The following ABCG2 variants were observed in gnomAD, a reference collection of about 807,000 sequenced individuals.
ABCG2 encodes the protein ATP binding cassette subfamily G member 2 (JR blood group).
A neutral mutation model predicts 73.5 loss-of-function variants in ABCG2; 80 were observed. That is an observed-to-expected ratio of 1.09 (90% CI 0.91 to 1.31). ABCG2 has a LOEUF of 1.31. Ranked by LOEUF, ABCG2 falls within the 50% of genes most tolerant of loss-of-function variation. ABCG2 has a pLI of 0.00. For missense variants in ABCG2, 796 were observed against 786.2 expected (o/e 1.01, Z -0.15); for synonymous variants, 269 against 282.4 (o/e 0.95, Z 0.48).
intron 1 of ABCG2, among the ~76,000 whole-genome samples, chr4:88,197,602 G>A (rs1728985620): frequency 6.6e-6 from 1 of 151,996 alleles, no homozygotes; most frequent in South Asian, 2.1e-4. Context: ...GAGCAACAAA[G>A]TAAGACCCTG....
At chr4:88,142,329 A>G (rs891513512) in intron 1 of ABCG2, among the ~76,000 whole-genome samples, 1 of 152,156 alleles carries the variant, frequency 6.6e-6, no homozygotes, top group Non-Finnish European at 1.5e-5. Context: ...AAGAGGATGA[A>G]TACAAAAAAA....
At chr4:88,174,784 T>C (rs1411324765) in intron 1 of ABCG2, among the ~76,000 whole-genome samples, 1 of 152,262 alleles carries the variant, frequency 6.6e-6, no homozygotes, top group Non-Finnish European at 1.5e-5. Flanking sequence ...TTTGGTGTTT[T>C]TGTCATGAAG....
At chr4:88,111,795 A>G (rs1335920810) in intron 9 of ABCG2, among the ~76,000 whole-genome samples, 1 of 152,160 alleles carries the variant, frequency 6.6e-6, no homozygotes, top group African/African-American at 2.4e-5. Flanking sequence ...AGAGGGGTTA[A>G]GAATAACAGA....
intron 1 of ABCG2, among the ~76,000 whole-genome samples, chr4:88,157,250 A>C (rs1252525480): frequency 6.6e-6 from 1 of 152,220 alleles, no homozygotes; most frequent in Non-Finnish European, 1.5e-5. Context: ...TCTACAAATT[A>C]ACTGACCGGG....
chr4:88,168,054 G>C (rs1158148380), intron 1 of ABCG2, among the ~76,000 whole-genome samples: 1 of 149,272 alleles, frequency 6.7e-6, no homozygotes, highest in Non-Finnish European at 1.5e-5. Flanking sequence ...GTTTTACACA[G>C]AGAGAGACAG....
chr4:88,129,136 A>G (rs1452857479), intron 5 of ABCG2, among the ~76,000 whole-genome samples: 1 of 152,182 alleles, frequency 6.6e-6, no homozygotes, highest in African/African-American at 2.4e-5. Flanking sequence ...TTACAATAAG[A>G]GCATGGGCTC....
At chr4:88,101,628 T>A (rs935801918) in intron 10 of ABCG2, among the ~76,000 whole-genome samples, 1 of 152,088 alleles carries the variant, frequency 6.6e-6, no homozygotes, top group Non-Finnish European at 1.5e-5. Flanking sequence ...GATGGGCCCT[T>A]TGGAAGGTAA....
intron 5 of ABCG2, among the ~76,000 whole-genome samples, chr4:88,122,264 CA>C (rs1724061001): frequency 6.6e-6 from 1 of 152,104 alleles, no homozygotes; most frequent in African/African-American, 2.4e-5. Context: ...GAGACAGCTG[CA>C]GGAGTTTTTT....
chr4:88,101,355 A>G (rs928959152), intron 10 of ABCG2, 36 bp from the exon 11 acceptor site: 6 of 1,564,130 alleles, frequency 3.8e-6, no homozygotes, highest in Non-Finnish European at 5.3e-6. Context: ...ACCGCAGTCA[A>G]CTCAGCATTC....
chr4:88,112,539 A>G (rs1037032502), intron 9 of ABCG2, among the ~76,000 whole-genome samples: 3 of 152,090 alleles, frequency 2.0e-5, no homozygotes, highest in Non-Finnish European at 4.4e-5. Flanking sequence ...ATTATTTATC[A>G]TAACTGTCTT....
chr4:88,145,383 T>C (rs999489865), intron 1 of ABCG2, among the ~76,000 whole-genome samples: 1 of 152,210 alleles, frequency 6.6e-6, no homozygotes, highest in African/African-American at 2.4e-5. Context: ...TTTCATGTTA[T>C]ATCCGATTTG....
chr4:88,118,377 A>G, intron 6 of ABCG2, 117 bp from the exon 7 acceptor site: 1 of 1,100,638 alleles, frequency 9.1e-7, no homozygotes, highest in Non-Finnish European at 1.3e-6. Context: ...ACTTTGTCTT[A>G]CTAACTTTTC....
chr4:88,167,370 CTT>C (rs551648302), intron 1 of ABCG2, among the ~76,000 whole-genome samples: 5,209 of 101,162 alleles, frequency 0.051, 90 homozygotes, highest in South Asian at 0.08. Flanking sequence ...TCCCTTCTGC[CTT>C]TTTTTTTTTT....
chr4:88,150,893 A>T (rs979593505), intron 1 of ABCG2, among the ~76,000 whole-genome samples: 3 of 152,148 alleles, frequency 2.0e-5, no homozygotes, highest in Non-Finnish European at 4.4e-5. Flanking sequence ...ATAGCCTATG[A>T]GAGCTCCCTG....
chr4:88,092,241 T>C lies in ABCG2; in HGVS notation c.1961A>G (p.Tyr654Cys), dbSNP rs1232606613. 5.0e-6 allele frequency: 8 copies of C among 1,605,484 alleles called. No individual in the cohort carries two copies. Among genetic ancestry groups the C allele is most frequent in the African/African-American group, 2.7e-5 (2 of 74,544 alleles). Residue 654 changes from tyrosine (Y) to cysteine (C), a missense_variant, in exon 16 of 16, where the codon TAT becomes TGT. Coordinates refer to ENST00000237612, the MANE Select transcript of ABCG2 (RefSeq NM_004827.3). The stretch of plus-strand genomic sequence containing the variant: ...ACTGAATTAAGGGGAAATTTAAGAA[T>C]ATTTTTTAAGAAATAACAATTTCAG... ...AYLKLLFLKK[Y>C]S
At position 88,107,248 on chromosome 4, in the gene ABCG2, G is replaced by T. The variant is rs1045489007; in HGVS notation, c.1213C>A (p.Leu405Met). The T allele has an allele frequency of 1.2e-6, 2 of 1,607,902 alleles. No individual in the cohort carries two copies. Among genetic ancestry groups the T allele is most frequent in the Non-Finnish European group, 1.7e-6 (2 of 1,178,246 alleles). The part of the protein sequence containing the change: ...SIAQIIVTVV[L>M]GLVIGAIYFG... ...TAAATGGCACCTATAACCAGTCCCA[G>T]TACGACTGTGACAATGATCTTTTCA... Residue 405 changes from leucine to methionine, a missense_variant, in exon 10 of 16, where the codon CTG becomes ATG. Coordinates refer to ENST00000237612, the MANE Select transcript of ABCG2 (RefSeq NM_004827.3).
chr4:88,164,452 T>C (rs954539604), intron 1 of ABCG2, among the ~76,000 whole-genome samples: 3 of 152,166 alleles, frequency 2.0e-5, no homozygotes, highest in African/African-American at 7.2e-5. Flanking sequence ...ATTATTCCTA[T>C]GCTGCTGTTC....
intron 12 of ABCG2, 29 bp from the exon 13 acceptor site, chr4:88,097,636 C>T (rs1722078692): frequency 6.2e-7 from 1 of 1,610,990 alleles, no homozygotes; most frequent in East Asian, 2.2e-5. Flanking sequence ...AAGTAGTTAA[C>T]CCAACTGCCT....
intron 5 of ABCG2, 58 bp from the exon 6 acceptor site, chr4:88,121,850 G>T: frequency 6.5e-7 from 1 of 1,543,662 alleles, no homozygotes; most frequent in Non-Finnish European, 8.8e-7. Flanking sequence ...CATTTGGTGA[G>T]CTCCTAACGT....
Sources: gnomAD v4.1 joint callset for allele counts (sites outside exome capture counted in the v4.1 genomes callset) on GRCh38, gnomAD v4.1.1 for gene constraint, MANE v1.5 for transcripts, NCBI Gene and HGNC (gene_info 2026-07-23, HGNC 2026-07-21) for gene names.